The following TCERG1L variants were observed in gnomAD, a reference collection of about 807,000 sequenced individuals.
TCERG1L encodes transcription elongation regulator 1-like protein.
A neutral mutation model predicts 56.3 loss-of-function variants in TCERG1L; 37 were observed. That is an observed-to-expected ratio of 0.66 (90% confidence interval 0.51 to 0.87). The LOEUF is 0.87. Among genes scored for constraint, TCERG1L ranks in the 40% least tolerant of loss-of-function variants. TCERG1L has a pLI of 0.00. For synonymous variants in TCERG1L, 324 were observed against 326.3 expected (o/e 0.99, Z 0.08); for missense variants, 799 against 774.2 (o/e 1.03, Z -0.38).
intron 3 of TCERG1L, among the ~76,000 whole-genome samples, chr10:131,275,932 A>C (rs1846387555): frequency 6.6e-6 from 1 of 152,142 alleles, no homozygotes; most frequent in African/African-American, 2.4e-5. Flanking sequence ...TTGGCTCAGA[A>C]GATCCCTTTG....
chr10:131,231,347 G>C (rs1564821418), intron 4 of TCERG1L, among the ~76,000 whole-genome samples: 1 of 152,214 alleles, frequency 6.6e-6, no homozygotes, highest in African/African-American at 2.4e-5. Context: ...CTTCCTAAGA[G>C]CCTACCGTGT....
chr10:131,255,168 G>C (rs1038134580), intron 4 of TCERG1L, among the ~76,000 whole-genome samples: 2 of 152,298 alleles, frequency 1.3e-5, no homozygotes, highest in South Asian at 4.1e-4. Flanking sequence ...TGACCTTTCA[G>C]GTGGCAGGAA....
chr10:131,308,416 A>C (rs764676648), intron 2 of TCERG1L, 25 bp from the exon 3 acceptor site: 1 of 1,602,314 alleles, frequency 6.2e-7, no homozygotes, highest in Non-Finnish European at 8.5e-7. Context: ...TGCAAGCATA[A>C]CACTGAAGGC....
chr10:131,117,118 C>T (rs1017297165), intron 8 of TCERG1L, among the ~76,000 whole-genome samples, 184 bp from the exon 9 acceptor site: 12 of 152,158 alleles, frequency 7.9e-5, no homozygotes, highest in Non-Finnish European at 1.6e-4. Context: ...AGGCACGGGG[C>T]TTGGCTGTGT....
At chr10:131,155,492 A>G (rs1845909582) in intron 6 of TCERG1L, among the ~76,000 whole-genome samples, 1 of 152,202 alleles carries the variant, frequency 6.6e-6, no homozygotes, top group Non-Finnish European at 1.5e-5. Flanking sequence ...ACACAGGTTC[A>G]GCCAGGCTCC....
rs553739331 is a variant in TCERG1L, at chr10:131,112,151, A to G, written c.1395+4648T>C. Among the ~76,000 whole-genome samples the G allele has an allele frequency of 1.6e-3, 230 of 143,136 alleles. 28 individuals carry two copies. The Middle Eastern group carries it at 0.028, about 18-fold the overall frequency. 93.9% of individuals were successfully genotyped at this position (143,136 alleles called of 152,430 possible). On this transcript the variant is annotated intron_variant, in intron 9 of 11. Transcript: ENST00000368642. ...CACGGCACTCCCAGTGGCCACATGA[A>G]GAGGGTTCAAAAATCTCCCTGGGGC...
At chr10:131,255,400 A>T (rs1278755484) in intron 4 of TCERG1L, among the ~76,000 whole-genome samples, 1 of 152,276 alleles carries the variant, frequency 6.6e-6, no homozygotes, top group African/African-American at 2.4e-5. Context: ...TTGTCTAGAG[A>T]TAATGCATAT....
chr10:131,213,201 T>C (rs1845634852), intron 4 of TCERG1L, among the ~76,000 whole-genome samples: 1 of 151,784 alleles, frequency 6.6e-6, no homozygotes, highest in African/African-American at 2.4e-5. Flanking sequence ...AGGACAAGAG[T>C]TCTATCAGCC....
In TCERG1L at chr10:131,214,259, C is replaced by T. The variant is rs141118915; in HGVS notation, c.856+46000G>A. 7.9e-5 allele frequency among the ~76,000 whole-genome samples: 12 copies of T among 152,202 alleles called. No homozygotes were observed. In the East Asian group the frequency reaches 1.4e-3, roughly 17 times the overall value. On this transcript the variant is annotated intron_variant, in intron 4 of 11. Coordinates refer to ENST00000368642, the MANE Select transcript of TCERG1L (RefSeq NM_174937.4). ...CAGAGTCCCCTCCATCTCCACTGCA[C>T]GCCCTGCCCCCTGTCCAGGGCACAG...
intron 6 of TCERG1L, among the ~76,000 whole-genome samples, chr10:131,153,876 C>T (rs1845892277): frequency 6.6e-6 from 1 of 152,144 alleles, no homozygotes; most frequent in African/African-American, 2.4e-5. Context: ...CCACAAAGAG[C>T]CCAGCTCCTG....
intron 8 of TCERG1L, among the ~76,000 whole-genome samples, chr10:131,127,804 C>T (rs957227716): frequency 9.2e-5 from 14 of 152,102 alleles, no homozygotes; most frequent in Admixed American, 7.2e-4. Context: ...AGACCTGGCA[C>T]GCTGCCCGGG....
intron 5 of TCERG1L, among the ~76,000 whole-genome samples, chr10:131,164,701 CAATTAG>C (rs1846013221): frequency 6.6e-6 from 1 of 152,108 alleles, no homozygotes; most frequent in South Asian, 2.1e-4. Flanking sequence ...ATGGCAGGTG[CAATTAG>C]AATACTCAAT....
chr10:131,161,247 C>G (rs1001481231), intron 6 of TCERG1L: 1 of 152,218 alleles, frequency 6.6e-6, no homozygotes, highest in East Asian at 1.9e-4. Flanking sequence ...GTGCAGTCAG[C>G]GCTGTGTGGT....
intron 8 of TCERG1L, among the ~76,000 whole-genome samples, chr10:131,129,888 T>C (rs1470459747): frequency 6.6e-6 from 1 of 152,160 alleles, no homozygotes; most frequent in Non-Finnish European, 1.5e-5. Context: ...CTGTTTTCCA[T>C]GGTGGCAGGA....
chr10:131,223,818 C>T (rs531816706), intron 4 of TCERG1L, among the ~76,000 whole-genome samples: 23 of 152,066 alleles, frequency 1.5e-4, no homozygotes, highest in Admixed American at 3.3e-4. Flanking sequence ...CAGCCCCCCA[C>T]GCACCCACGA....
chr10:131,285,400 A>AAGGAAGG, intron 3 of TCERG1L, among the ~76,000 whole-genome samples: 1 of 109,290 alleles, frequency 9.1e-6, no homozygotes, highest in Non-Finnish European at 1.9e-5. Context: ...AAAGAAAAGA[A>AAGGAAGG]AGGAAGGAAG....
At chr10:131,284,499 GA>G (rs1050121154) in intron 3 of TCERG1L, among the ~76,000 whole-genome samples, 48 of 148,512 alleles carry the variant, frequency 3.2e-4, no homozygotes, top group African/African-American at 8.6e-4. Context: ...TTTAGGGGAA[GA>G]AAAAAAAACA....
intron 8 of TCERG1L, among the ~76,000 whole-genome samples, chr10:131,124,848 C>T (rs544583720): frequency 1.3e-4 from 20 of 152,314 alleles, no homozygotes; most frequent in South Asian, 6.2e-4. Context: ...TCTGTGTTCT[C>T]GAGCAAGTCT....
At chr10:131,105,129 A>C (rs1273219821) in intron 9 of TCERG1L, among the ~76,000 whole-genome samples, 2 of 152,236 alleles carry the variant, frequency 1.3e-5, no homozygotes, top group Non-Finnish European at 2.9e-5. Flanking sequence ...GGTGCATTGC[A>C]GGACACTCCT....
Sources: gnomAD v4.1 joint callset for allele counts (sites outside exome capture counted in the v4.1 genomes callset) on GRCh38, gnomAD v4.1.1 for gene constraint, MANE v1.5 for transcripts, NCBI Gene and HGNC (gene_info 2026-07-23, HGNC 2026-07-21) for gene names.